Variants in CEP85 observed in about 807,000 individuals in gnomAD.
CEP85 encodes centrosomal protein 85.
In CEP85, 58 loss-of-function variants were observed where a neutral mutation model predicts 93.7. The observed-to-expected ratio is 0.62, with a 90% CI of 0.50 to 0.77. The LOEUF (loss-of-function observed/expected upper bound fraction) is 0.77, where lower values mean the gene tolerates loss of function less well. Ranked by LOEUF, CEP85 falls within the 30% of genes least tolerant of loss-of-function variation. The probability of loss-of-function intolerance (pLI) is 0.00; values close to 1 mark genes in which losing one functional copy is unlikely to be tolerated. For synonymous variants in CEP85, 314 were observed against 338.6 expected, an observed-to-expected ratio of 0.93 and a Z score of 0.80; for missense variants, 868 against 922.0, an observed-to-expected ratio of 0.94 and a Z score of 0.76.
rs2090068159 is a variant in CEP85 at position 26,277,302 on chromosome 1, G to A, written c.*9G>A. ...ACTGTGTCACACAGTGAGGAATTCT[G>A]GGGGATTCCCCCAGGGAGGAGCTGG... On this transcript the variant is annotated 3_prime_UTR_variant, in exon 14 of 14. Coordinates refer to ENST00000451429, the MANE Select transcript of CEP85 (RefSeq NM_001319944.2). 6.2e-7 allele frequency: 1 copy of A among 1,605,974 alleles called. No homozygotes were observed. The highest frequency in any genetic ancestry group is 1.3e-5 in the African/African-American group (1 of 74,764).
At chr1:26,241,779 G>A (rs1284004088) in intron 2 of CEP85, among the ~76,000 whole-genome samples, 1 of 140,074 alleles carries the variant, frequency 7.1e-6, no homozygotes, top group Non-Finnish European at 1.6e-5. Context: ...TTTTTTTTTT[G>A]GAGACGGAGT....
intron 12 of CEP85, 53 bp from the exon 13 acceptor site, chr1:26,276,482 A>G: frequency 7.1e-7 from 1 of 1,413,330 alleles, no homozygotes; most frequent in East Asian, 2.3e-5. Flanking sequence ...ATGCACAGAT[A>G]CTCTTCCTCT....
At chr1:26,246,904 A>T (rs1389168045) in intron 3 of CEP85, among the ~76,000 whole-genome samples, 1 of 152,166 alleles carries the variant, frequency 6.6e-6, no homozygotes, top group Non-Finnish European at 1.5e-5. Flanking sequence ...TGTATATTGC[A>T]TGATTCCCTT....
intron 4 of CEP85, 98 bp downstream of exon 4, chr1:26,255,963 G>A (rs1298730528): frequency 5.9e-6 from 6 of 1,018,826 alleles, no homozygotes; most frequent in South Asian, 5.2e-5. Flanking sequence ...GAAAATAGCT[G>A]TAAAAAGAAG....
At chr1:26,258,811 G>C (rs898974462) in intron 6 of CEP85, among the ~76,000 whole-genome samples, 2 of 152,048 alleles carry the variant, frequency 1.3e-5, no homozygotes, top group African/African-American at 2.4e-5. Context: ...TGGCCAGGCT[G>C]GTCTCGAACT....
intron 3 of CEP85, among the ~76,000 whole-genome samples, chr1:26,246,726 CT>C (rs59000951): frequency 0.45 from 66,418 of 146,344 alleles, 15,608 homozygotes; most frequent in Middle Eastern, 0.54. Context: ...GAGACTCCGT[CT>C]TTAAAAAAAA....
intron 1 of CEP85, among the ~76,000 whole-genome samples, chr1:26,237,663 G>A (rs1002241256): frequency 6.6e-6 from 1 of 152,114 alleles, no homozygotes; most frequent in African/African-American, 2.4e-5. Context: ...TCTTATTGAA[G>A]CTTTTGTGTA....
chr1:26,250,350 A>G (rs2089586775), intron 3 of CEP85, among the ~76,000 whole-genome samples: 2 of 152,192 alleles, frequency 1.3e-5, no homozygotes, highest in African/African-American at 4.8e-5. Context: ...TGTGCATGTG[A>G]GGGATCTAGG....
chr1:26,238,122 A>G (rs2089356273), intron 1 of CEP85, among the ~76,000 whole-genome samples: 1 of 150,880 alleles, frequency 6.6e-6, no homozygotes, highest in African/African-American at 2.4e-5. Flanking sequence ...AGAGGTCACT[A>G]AAGTACATTA....
intron 3 of CEP85, among the ~76,000 whole-genome samples, chr1:26,245,382 T>G (rs1304444463): frequency 2.0e-5 from 3 of 152,054 alleles, no homozygotes; most frequent in Admixed American, 2.0e-4. Flanking sequence ...TTCTTTAATC[T>G]GGGCCCATGT....
chr1:26,244,875 CAGAT>C (rs1414188850), intron 3 of CEP85, among the ~76,000 whole-genome samples: 1 of 152,076 alleles, frequency 6.6e-6, no homozygotes, highest in African/African-American at 2.4e-5. Context: ...CCTCTGCTGC[CAGAT>C]TATTTTTGCT....
At chr1:26,238,401 A>C (rs1213119577) in intron 1 of CEP85, among the ~76,000 whole-genome samples, 3 of 151,740 alleles carry the variant, frequency 2.0e-5, no homozygotes, top group Non-Finnish European at 4.4e-5. Context: ...GGGTTTCACC[A>C]TGTTGGCTGG....
In CEP85 at chr1:26,239,818, T is replaced by C. The variant is rs2089393273; in HGVS notation, c.35T>C (p.Ile12Thr). Residue 12 changes from isoleucine to threonine, a missense_variant, in exon 2 of 14, where the codon ATC (isoleucine) becomes ACC (threonine). Ile to Thr is a moderately conservative substitution (Grantham distance 89). Coordinates refer to ENST00000451429, the MANE Select transcript of CEP85 (RefSeq NM_001319944.2). Reference protein sequence around the residue: ...AMQEKYPTEGISHVTSPSSDV... With the variant: ...AMQEKYPTEGTSHVTSPSSDV... ...CAGGAGAAATATCCAACTGAGGGGA[T>C]CTCTCACGTCACTTCACCGAGTGAG... 3.1e-6 allele frequency: 5 copies of C among 1,613,728 alleles called. No individual in the cohort carries two copies. The highest frequency in any genetic ancestry group is 4.2e-6 in the Non-Finnish European group (5 of 1,179,730).
chr1:26,256,928 G>GTTTTGGTGTGTGTGTGTGTGT (rs199539021), intron 4 of CEP85, among the ~76,000 whole-genome samples: 4 of 111,490 alleles, frequency 3.6e-5, no homozygotes, highest in African/African-American at 1.0e-4. Context: ...GTTTTGTTTT[G>GTTTTGGTGTGTGTGTGTGTGT]GTGTGTGTGT....
At chr1:26,250,952 T>C (rs1228979079) in intron 3 of CEP85, among the ~76,000 whole-genome samples, 5 of 114,366 alleles carry the variant, frequency 4.4e-5, no homozygotes, top group African/African-American at 1.8e-4. Flanking sequence ...TTTTTTTTTT[T>C]TTTTTTGAGA....
In CEP85 at chr1:26,255,693, G is replaced by A. The variant is rs2089687518; in HGVS notation, c.731G>A (p.Ser244Asn). The change falls in exon 4 of 14, where the codon AGC (serine) becomes AAC (asparagine). Residue 244 changes from serine (S) to asparagine (N), a missense_variant. Transcript: ENST00000451429. ...GAGCGGAATGGACCACATTCTAATA[G>A]CAGTGGGGTCCTCCCTTTGGGACTC... ...VFERNGPHSN[S>N]SGVLPLGLQP... 1.2e-6 allele frequency: 2 copies of A among 1,614,132 alleles called. No homozygotes were observed. The highest frequency in any genetic ancestry group is 4.5e-5 in the East Asian group (2 of 44,876).
intron 7 of CEP85, among the ~76,000 whole-genome samples, chr1:26,262,781 A>G (rs933751438): frequency 1.4e-4 from 22 of 152,204 alleles, no homozygotes; most frequent in African/African-American, 3.9e-4. Context: ...AAGGAATTCT[A>G]TATAAGGCTA....
chr1:26,266,548 G>A (rs58938535), intron 7 of CEP85, among the ~76,000 whole-genome samples: 1,710 of 152,328 alleles, frequency 0.011, 35 homozygotes, highest in African/African-American at 0.039. Flanking sequence ...AGGTGATTCT[G>A]ATACATACTG....
chr1:26,256,099 C>T (rs1039511110), intron 4 of CEP85, among the ~76,000 whole-genome samples: 17 of 152,106 alleles, frequency 1.1e-4, no homozygotes, highest in Admixed American at 2.0e-4. Flanking sequence ...AACCTAAAAA[C>T]GTATTTATAC....
Sources: allele counts gnomAD v4.1 joint callset (sites outside exome capture counted in the v4.1 genomes callset), GRCh38; gene constraint gnomAD v4.1.1; transcripts MANE v1.5; gene names NCBI Gene and HGNC (gene_info 2026-07-23, HGNC 2026-07-21).